The following THOP1 variants were observed in gnomAD, a reference collection of about 807,000 sequenced individuals.
THOP1 encodes thimet oligopeptidase.
Under a neutral mutation model 71.8 loss-of-function variants are expected in THOP1, and 49 were observed. That is an observed-to-expected ratio of 0.68 (90% CI 0.54 to 0.87). The LOEUF (loss-of-function observed/expected upper bound fraction) is 0.87, where lower values mean the gene tolerates loss of function less well. THOP1 is among the 40% of genes least tolerant of loss of function. The probability of loss-of-function intolerance (pLI) is 0.00; values close to 1 mark genes in which losing one functional copy is unlikely to be tolerated. For missense variants in THOP1, 843 were observed against 975.6 expected, an observed-to-expected ratio of 0.86 and a Z score of 1.81; for synonymous variants, 426 against 421.5, an observed-to-expected ratio of 1.01 and a Z score of -0.13.
intron 12 of THOP1, 69 bp from the exon 13 acceptor site, chr19:2,813,046 A>G: frequency 6.7e-7 from 1 of 1,498,898 alleles, no homozygotes; most frequent in Non-Finnish European, 8.9e-7. Context: ...GAGGGTGTGC[A>G]GACTCCTGGG....
intron 2 of THOP1, among the ~76,000 whole-genome samples, chr19:2,790,904 G>T (rs559342325): frequency 6.6e-6 from 1 of 152,326 alleles, no homozygotes; most frequent in Middle Eastern, 3.4e-3. Flanking sequence ...TCACAGCCTC[G>T]TCCATTCAAA....
chr19:2,813,369 G>T lies in THOP1; in HGVS notation c.*93G>T. ...AGGATGGGGCAGGCTCTGGCACAGTGCCTGGGACTGGCAGGGTGGCTGAGC... is the reference window on the plus strand; with the variant it reads ...AGGATGGGGCAGGCTCTGGCACAGTTCCTGGGACTGGCAGGGTGGCTGAGC... On this transcript the variant is annotated 3_prime_UTR_variant, in exon 13 of 13. Coordinates refer to ENST00000307741, the MANE Select transcript of THOP1 (RefSeq NM_003249.5). The T allele has an allele frequency of 7.1e-7, 1 of 1,402,780 alleles. No homozygotes were observed. The highest frequency in any genetic ancestry group is 9.4e-7 in the Non-Finnish European group (1 of 1,059,510). The allele number at this position is 1,402,780 out of a possible 1,614,324, so 86.9% of individuals were successfully genotyped here. A position where few individuals can be genotyped will look rare whatever the true frequency, so the allele number is the denominator to read the frequency against.
chr19:2,795,023 C>T (rs570232418), intron 3 of THOP1, 111 bp downstream of exon 3: 158 of 1,316,132 alleles, frequency 1.2e-4, no homozygotes, highest in African/African-American at 2.3e-4. Flanking sequence ...GGGGTTTCAA[C>T]GTGTTGGTCA....
chr19:2,810,590 G>T, intron 10 of THOP1, 50 bp from the exon 11 acceptor site: 1 of 1,534,388 alleles, frequency 6.5e-7, no homozygotes, highest in South Asian at 1.2e-5. Context: ...TCTGGGCAGA[G>T]TGGGCCGGGG....
chr19:2,796,560 G>T (rs1916019034), intron 4 of THOP1, among the ~76,000 whole-genome samples: 2 of 150,908 alleles, frequency 1.3e-5, no homozygotes, highest in African/African-American at 4.9e-5. Context: ...GGGAGTACTG[G>T]GTGTGGGGAG....
Position 2,794,885 on chromosome 19 carries a change from C to T in THOP1, c.351C>T (p.Asp117=), listed in dbSNP as rs35344768. ...ACGTGGAGATGAGCATGAGGGAGGA[C>T]GTGTACCAGAGGATCGTGTGGCTCC... is the stretch of plus-strand genomic sequence containing the variant. ...EFDVEMSMRE[D]VYQRIVWLQE... is the part of the protein sequence containing the mutation. Residue 117 remains aspartate (D), a synonymous_variant, in exon 3 of 13, where the codon GAC becomes GAT. Coordinates refer to ENST00000307741, the MANE Select transcript of THOP1 (RefSeq NM_003249.5). The T allele has an allele frequency of 5.9e-4, 955 of 1,613,534 alleles. 1 individual carries two copies. The highest frequency in any genetic ancestry group is 7.8e-4 in the Non-Finnish European group (925 of 1,179,668).
In THOP1 at chr19:2,813,762, C is replaced by T. The variant is rs1369639260; in HGVS notation, c.*486C>T. ...GGTGGGGGAGTAAAGGGCTGGGAAC[C>T]AGTTCTGCCAGCCAGGCCGGCCTGG... On this transcript the variant is annotated 3_prime_UTR_variant, in exon 13 of 13. Coordinates refer to ENST00000307741, the MANE Select transcript of THOP1 (RefSeq NM_003249.5). 1 of 152,908 alleles carries T rather than the reference C, an allele frequency of 6.5e-6. No individual in the cohort carries two copies. The highest frequency in any genetic ancestry group is 1.5e-5 in the Non-Finnish European group (1 of 68,698). 9.5% of individuals were successfully genotyped at this position (152,908 alleles called of 1,614,324 possible).
intron 3 of THOP1, among the ~76,000 whole-genome samples, chr19:2,795,675 C>T (rs1915996694): frequency 6.6e-6 from 1 of 152,206 alleles, no homozygotes; most frequent in Non-Finnish European, 1.5e-5. Context: ...CTCCACTTTC[C>T]AGAGTTTCTG....
At chr19:2,810,526 C>CG in intron 10 of THOP1, 36 bp downstream of exon 10, 2 of 1,532,536 alleles carry the variant, frequency 1.3e-6, no homozygotes, top group Non-Finnish European at 1.8e-6. Flanking sequence ...GTGCTAACCT[C>CG]GGGGGGCGGC....
At position 2,804,857 on chromosome 19, in the gene THOP1, G is replaced by A. The variant is rs1916250836; in HGVS notation, c.590-159G>A. Among the ~76,000 whole-genome samples the A allele has an allele frequency of 6.6e-6, 1 of 152,132 alleles. No homozygotes were observed. The highest frequency in any genetic ancestry group is 2.4e-5 in the African/African-American group (1 of 41,408). On this transcript the variant is annotated intron_variant, in intron 5 of 12. Transcript: ENST00000307741. This position sits in a 1 kb window ranked among gnomAD's most constrained non-coding sequence, Gnocchi z 4.7. ...TTCTTGATGGGGTTAGATGGGGGAT[G>A]TAAGAATTGCAGCGGGTGGTGGCCA...
At chr19:2,787,800 A>G (rs1915783625) in intron 1 of THOP1, among the ~76,000 whole-genome samples, 1 of 152,128 alleles carries the variant, frequency 6.6e-6, no homozygotes. Flanking sequence ...TATGGAATGG[A>G]TGGAGGCCGG....
intron 2 of THOP1, among the ~76,000 whole-genome samples, chr19:2,791,779 T>C (rs1915887200): frequency 6.6e-6 from 1 of 152,094 alleles, no homozygotes; most frequent in Non-Finnish European, 1.5e-5. Context: ...CTCCTTCACA[T>C]GGTGGCGAGA....
intron 8 of THOP1, 28 bp from the exon 9 acceptor site, chr19:2,808,215 C>CG (rs1916361575): frequency 6.5e-7 from 1 of 1,544,202 alleles, no homozygotes; most frequent in African/African-American, 1.4e-5. Context: ...CTAGTCCCTG[C>CG]GGGGCCTGAC....
chr19:2,792,667 T>C (rs1915915469), intron 2 of THOP1, among the ~76,000 whole-genome samples: 2 of 151,682 alleles, frequency 1.3e-5, no homozygotes, highest in South Asian at 4.2e-4. Context: ...TTGTTTTTTG[T>C]TTTTTTAGAA....
rs750217217 is a variant in THOP1, at chr19:2,807,576, A to G, written c.1021A>G (p.Met341Val). 9 of 1,612,688 alleles carry G rather than the reference A, an allele frequency of 5.6e-6. No homozygotes were observed. The Admixed American group carries it at 8.3e-5, about 15-fold the overall frequency. Reference sequence around the variant, plus strand: ...CCGTGCCTGGGACATGCGCTACTACATGAACCAGGTGGAGGAGACGCGCTA... The same window carrying G: ...CCGTGCCTGGGACATGCGCTACTACGTGAACCAGGTGGAGGAGACGCGCTA... ...RIRAWDMRYY[M>V]NQVEETRYCV... is the part of the protein sequence containing the mutation. Residue 341 changes from methionine (M) to valine (V), a missense_variant, in exon 8 of 13, where the codon ATG becomes GTG. Met to Val is a conservative substitution (Grantham distance 21, BLOSUM62 1). Transcript: ENST00000307741.
In THOP1 at chr19:2,804,778, C is replaced by T. The variant is rs776070577; in HGVS notation, c.590-238C>T. ...GGGGGTTTCCTGGTGGGGTTAGAGG[C>T]GGGACGTGAGAAACGTGGCAGGTGG... On this transcript the variant is annotated intron_variant, in intron 5 of 12. Transcript: ENST00000307741. This position sits in a 1 kb window ranked among gnomAD's most constrained non-coding sequence, Gnocchi z 4.7. 3.4e-5 allele frequency: 17 copies of T among 498,512 alleles called. No individual in the cohort carries two copies. Among genetic ancestry groups the T allele is most frequent in the Admixed American group, 1.5e-4 (4 of 27,548 alleles). The allele number at this position is 498,512 out of a possible 1,614,324, so 30.9% of individuals were successfully genotyped here.
intron 5 of THOP1, among the ~76,000 whole-genome samples, chr19:2,800,594 C>T (rs962589716): frequency 5.9e-5 from 9 of 152,360 alleles, no homozygotes; most frequent in Admixed American, 1.3e-4. Context: ...CGGAGGCCTC[C>T]GCAGGTGGCT....
intron 1 of THOP1, chr19:2,789,809 G>A (rs1392678735): frequency 6.6e-6 from 1 of 151,722 alleles, no homozygotes; most frequent in African/African-American, 2.4e-5. Context: ...CTGGAGTGCA[G>A]TGGCGCGATC....
chr19:2,799,933 G>A lies in THOP1; in HGVS notation c.589+142G>A, dbSNP rs1310474672. On this transcript the variant is annotated intron_variant, in intron 5 of 12. Transcript: ENST00000307741. ...GAGGCCGAAGTACGTGGACCTGACC[G>A]CCCTGGGCTGAGGACTTTCCTCACC... The A allele has an allele frequency of 3.7e-5, 26 of 694,578 alleles. No homozygotes were observed. In the Middle Eastern group the frequency reaches 1.1e-3, roughly 28 times the overall value. 43.0% of individuals were successfully genotyped at this position (694,578 alleles called of 1,614,324 possible).
Sources: allele counts gnomAD v4.1 joint callset (sites outside exome capture counted in the v4.1 genomes callset), GRCh38; gene constraint gnomAD v4.1.1; non-coding constraint Gnocchi (gnomAD v3.1); transcripts MANE v1.5; gene names NCBI Gene and HGNC (gene_info 2026-07-23, HGNC 2026-07-21).